VPS53: variants seen among roughly 807,000 people sequenced by gnomAD.
The protein encoded by VPS53 is VPS53 subunit of GARP complex, also known as vacuolar protein sorting-associated protein 53 homolog.
VPS53 carries 70 observed loss-of-function variants against 107.0 expected under a neutral mutation model. The ratio of observed to expected loss-of-function variants is 0.65; its 90% CI spans 0.54 to 0.80. The LOEUF is 0.80. Ranked by LOEUF, VPS53 falls within the 30% of genes least tolerant of loss-of-function variation. The pLI is 0.00. For synonymous variants in VPS53, 409 were observed against 393.3 expected, an observed-to-expected ratio of 1.04 and a Z score of -0.47; for missense variants, 917 against 1,049.4, an observed-to-expected ratio of 0.87 and a Z score of 1.74.
chr17:689,715 C>A (rs1389476332), intron 4 of VPS53, among the ~76,000 whole-genome samples: 1 of 152,100 alleles, frequency 6.6e-6, no homozygotes, highest in African/African-American at 2.4e-5. Flanking sequence ...CTCAGGCGAT[C>A]CGCCCACCTC....
At chr17:638,573 T>G (rs1488830728) in intron 7 of VPS53, among the ~76,000 whole-genome samples, 1 of 152,338 alleles carries the variant, frequency 6.6e-6, no homozygotes, top group African/African-American at 2.4e-5. Context: ...CTTTCCATGT[T>G]TAGTGCTTCC....
intron 11 of VPS53, chr17:616,433 A>C (rs1348478056): frequency 6.6e-6 from 1 of 152,322 alleles, no homozygotes; most frequent in Non-Finnish European, 1.5e-5. Flanking sequence ...GGATGATTTA[A>C]AGACCAGTTC....
chr17:583,674 C>T (rs1967167918), intron 13 of VPS53, among the ~76,000 whole-genome samples: 1 of 149,084 alleles, frequency 6.7e-6, no homozygotes, highest in East Asian at 2.0e-4. Context: ...CTCAGGACCT[C>T]AATGCGTTCC....
At chr17:534,886 C>T (rs996144343) in intron 18 of VPS53, among the ~76,000 whole-genome samples, 10 of 151,126 alleles carry the variant, frequency 6.6e-5, no homozygotes, top group Non-Finnish European at 1.3e-4. Flanking sequence ...CCACTGCACT[C>T]CAGCCTGGGT....
chr17:682,934 A>C (rs753613925), intron 4 of VPS53, among the ~76,000 whole-genome samples: 5 of 152,044 alleles, frequency 3.3e-5, no homozygotes, highest in Non-Finnish European at 5.9e-5. Flanking sequence ...TTTTACCTGC[A>C]CGAACAGATG....
intron 18 of VPS53, 51 bp from the exon 19 acceptor site, chr17:532,962 G>A: frequency 1.3e-6 from 2 of 1,584,050 alleles, no homozygotes; most frequent in Admixed American, 3.6e-5. Context: ...CTTGAGGAAA[G>A]AAATGCAAAA....
intron 6 of VPS53, among the ~76,000 whole-genome samples, chr17:654,659 C>A (rs1013291707): frequency 2.0e-5 from 3 of 150,872 alleles, no homozygotes; most frequent in Non-Finnish European, 4.4e-5. Context: ...ATGGCGGGAA[C>A]CCGGGAGGCG....
At chr17:575,904 C>T (rs1914562877) in intron 13 of VPS53, among the ~76,000 whole-genome samples, 1 of 151,826 alleles carries the variant, frequency 6.6e-6, no homozygotes, top group African/African-American at 2.4e-5. Flanking sequence ...GCGAACCTCC[C>T]TGAGACCCTA....
chr17:635,445 A>C lies in VPS53; in HGVS notation c.609-3817T>G, dbSNP rs1246286879. Among the ~76,000 whole-genome samples the C allele has an allele frequency of 4.6e-5, 7 of 152,100 alleles. No individual in the cohort carries two copies. In the East Asian group the frequency reaches 5.8e-4, roughly 13 times the overall value. ...TTTGGCTTTTGTTGCCATTGCTTTA[A>C]GTGTTTTAGACATGAAGTCCTTGCC... is the stretch of plus-strand genomic sequence containing the variant. On this transcript the variant is annotated intron_variant, in intron 7 of 21. Coordinates refer to ENST00000437048, the MANE Select transcript of VPS53 (RefSeq NM_001128159.3).
intron 6 of VPS53, 28 bp downstream of exon 6, chr17:655,810 C>T (rs1183377592): frequency 1.9e-6 from 3 of 1,589,792 alleles, no homozygotes; most frequent in Non-Finnish European, 2.6e-6. Flanking sequence ...TTCCCGTGGC[C>T]CCAAAAGAGA....
At chr17:532,644 T>G in intron 19 of VPS53, 198 bp downstream of exon 19, 1 of 1,371,118 alleles carries the variant, frequency 7.3e-7, no homozygotes, top group Non-Finnish European at 9.5e-7. Flanking sequence ...CACCCAGAAC[T>G]TAGTAGGCGT....
At position 623,608 on chromosome 17, in the gene VPS53, A is replaced by G. The variant is rs1460826412; in HGVS notation, c.1041T>C (p.Ala347=). Residue 347 remains alanine (A), a synonymous_variant, in exon 11 of 22, where the codon GCT becomes GCC. Transcript: ENST00000437048. ...CCTCAAAGTTAGTTGTTCTTTGAAT[A>G]GCAAAAAGAAGCAATTTCACTTCAA... ...KEIEVKLLLF[A]IQRTTNFEGF... 6.2e-7 allele frequency: 1 copy of G among 1,614,104 alleles called. No homozygotes were observed.
intron 4 of VPS53, among the ~76,000 whole-genome samples, chr17:666,704 G>C (rs1971704968): frequency 6.6e-6 from 1 of 151,368 alleles, no homozygotes; most frequent in African/African-American, 2.4e-5. Flanking sequence ...TGGATCATGA[G>C]GTCAAGAGTT....
intron 2 of VPS53, among the ~76,000 whole-genome samples, chr17:700,881 G>A (rs959354001): frequency 3.3e-5 from 5 of 152,150 alleles, no homozygotes. Context: ...GGAGGAGGAG[G>A]CCAGGTGCCT....
intron 11 of VPS53, among the ~76,000 whole-genome samples, chr17:609,457 T>C (rs1210517573): frequency 6.6e-6 from 1 of 152,182 alleles, no homozygotes; most frequent in East Asian, 1.9e-4. Context: ...GTGTAAGACA[T>C]ACGAACATAT....
chr17:585,378 T>C (rs1373798403), intron 13 of VPS53, among the ~76,000 whole-genome samples: 2 of 152,228 alleles, frequency 1.3e-5, no homozygotes, highest in Non-Finnish European at 2.9e-5. Context: ...GAGGAATGGC[T>C]GGGCAAGGTG....
chr17:604,451 A>G (rs1221781671), intron 11 of VPS53, among the ~76,000 whole-genome samples: 3 of 152,176 alleles, frequency 2.0e-5, no homozygotes, highest in Non-Finnish European at 4.4e-5. Flanking sequence ...GGGAGGAAGA[A>G]GTCGAACCTA....
At chr17:566,896 A>G (rs1378304766) in intron 13 of VPS53, among the ~76,000 whole-genome samples, 1 of 151,630 alleles carries the variant, frequency 6.6e-6, no homozygotes, top group African/African-American at 2.4e-5. Context: ...GGCACACACC[A>G]CCACAACCGG....
chr17:575,503 T>C (rs1432012028), intron 13 of VPS53, among the ~76,000 whole-genome samples: 1 of 149,256 alleles, frequency 6.7e-6, no homozygotes, highest in Non-Finnish European at 1.5e-5. Context: ...AGAACCTCAA[T>C]GCGTTCCCAG....
Sources: allele counts gnomAD v4.1 joint callset (sites outside exome capture counted in the v4.1 genomes callset), GRCh38; gene constraint gnomAD v4.1.1; transcripts MANE v1.5; gene names NCBI Gene and HGNC (gene_info 2026-07-23, HGNC 2026-07-21).